HS6ST3: variants seen among roughly 807,000 people sequenced by gnomAD.
HS6ST3 encodes heparan-sulfate 6-O-sulfotransferase 3.
HS6ST3 carries 12 observed loss-of-function variants against 36.7 expected under a neutral mutation model. That is an observed-to-expected ratio of 0.33 (90% CI 0.21 to 0.53). The LOEUF (loss-of-function observed/expected upper bound fraction) is 0.53. Ranked by LOEUF, HS6ST3 falls within the 20% of genes least tolerant of loss-of-function variation. The pLI, the probability that HS6ST3 is intolerant of heterozygous loss-of-function variation, is 0.95. For missense variants in HS6ST3, 584 were observed against 640.9 expected, an observed-to-expected ratio of 0.91 and a Z score of 0.96; for synonymous variants, 240 against 257.5, an observed-to-expected ratio of 0.93 and a Z score of 0.65.
intron 1 of HS6ST3, among the ~76,000 whole-genome samples, chr13:96,623,640 A>G (rs1176718223): frequency 6.6e-6 from 1 of 152,070 alleles, no homozygotes; most frequent in Non-Finnish European, 1.5e-5. Context: ...GTCACGTTTC[A>G]TTAACTGTTT....
intron 1 of HS6ST3, among the ~76,000 whole-genome samples, chr13:96,317,653 G>T (rs1016101611): frequency 6.6e-5 from 10 of 150,700 alleles, no homozygotes; most frequent in African/African-American, 2.2e-4. Context: ...TTCTACGGTG[G>T]CCGAACTAAT....
chr13:96,100,913 A>G (rs149910076), intron 1 of HS6ST3, among the ~76,000 whole-genome samples: 2,479 of 152,260 alleles, frequency 0.016, 59 homozygotes, highest in African/African-American at 0.057. Context: ...TGAGACCAAG[A>G]TCGGATACCC....
rs183683749 is a variant in HS6ST3 at position 96,785,005 on chromosome 13, G to A, written c.708-47485G>A. ...CAACAGGGTGAAAACCTGTCTCTACGAAAAATACAAAAAATTAGATGAGCA... is the reference window on the plus strand; with the variant it reads ...CAACAGGGTGAAAACCTGTCTCTACAAAAAATACAAAAAATTAGATGAGCA... On this transcript the variant is annotated intron_variant, in intron 1 of 1. Transcript: ENST00000376705. Among the ~76,000 whole-genome samples, 52 of 151,982 alleles carry A rather than the reference G, an allele frequency of 3.4e-4. No homozygotes were observed. In the East Asian group the frequency reaches 8.7e-3, roughly 25 times the overall value.
intron 1 of HS6ST3, among the ~76,000 whole-genome samples, chr13:96,156,802 C>G (rs1050885599): frequency 1.3e-5 from 2 of 152,152 alleles, no homozygotes; most frequent in Non-Finnish European, 2.9e-5. Context: ...ATAGCTCATT[C>G]AGTAATTACA....
intron 1 of HS6ST3, among the ~76,000 whole-genome samples, chr13:96,437,837 T>A (rs1443718417): frequency 1.3e-5 from 2 of 152,246 alleles, no homozygotes; most frequent in Non-Finnish European, 2.9e-5. Flanking sequence ...GAATTTCGTT[T>A]TCTCAGTAAC....
At chr13:96,785,383 A>G (rs1877622943) in intron 1 of HS6ST3, among the ~76,000 whole-genome samples, 1 of 151,982 alleles carries the variant, frequency 6.6e-6, no homozygotes, top group African/African-American at 2.4e-5. Flanking sequence ...CAAATGAAGA[A>G]ATAACTCAGA....
At chr13:96,350,653 T>C (rs1192035710) in intron 1 of HS6ST3, among the ~76,000 whole-genome samples, 1 of 152,218 alleles carries the variant, frequency 6.6e-6, no homozygotes, top group Non-Finnish European at 1.5e-5. Flanking sequence ...CTGTAGGAAA[T>C]AATGATCCTT....
intron 1 of HS6ST3, among the ~76,000 whole-genome samples, chr13:96,321,136 G>A (rs2055001053): frequency 6.6e-6 from 1 of 150,840 alleles, no homozygotes; most frequent in South Asian, 2.1e-4. Flanking sequence ...TTTAAAAGAA[G>A]TAAGTTAAGG....
At chr13:96,806,859 G>C (rs1878207096) in intron 1 of HS6ST3, among the ~76,000 whole-genome samples, 1 of 152,060 alleles carries the variant, frequency 6.6e-6, no homozygotes, top group Admixed American at 6.5e-5. Flanking sequence ...CTTTTTATAA[G>C]CTGATATATG....
chr13:96,577,533 C>T (rs550717871), intron 1 of HS6ST3, among the ~76,000 whole-genome samples: 1 of 152,238 alleles, frequency 6.6e-6, no homozygotes, highest in South Asian at 2.1e-4. Flanking sequence ...TATATATACC[C>T]AGTAATGGGA....
At chr13:96,204,866 A>G (rs933878532) in intron 1 of HS6ST3, among the ~76,000 whole-genome samples, 33 of 152,324 alleles carry the variant, frequency 2.2e-4, no homozygotes, top group South Asian at 8.3e-4. Flanking sequence ...AATTTATAGC[A>G]TTGAATGCCC....
intron 1 of HS6ST3, among the ~76,000 whole-genome samples, chr13:96,408,079 A>G (rs893170556): frequency 3.3e-5 from 5 of 152,124 alleles, no homozygotes; most frequent in East Asian, 1.9e-4. Context: ...AGCTGGGACT[A>G]TATGTGTGCA....
At chr13:96,096,428 C>A (rs983002022) in intron 1 of HS6ST3, among the ~76,000 whole-genome samples, 1 of 152,186 alleles carries the variant, frequency 6.6e-6, no homozygotes, top group Non-Finnish European at 1.5e-5. Context: ...AAAGGGTTAG[C>A]CTGGATGGCC....
At chr13:96,158,987 G>T (rs1050699257) in intron 1 of HS6ST3, among the ~76,000 whole-genome samples, 3 of 152,274 alleles carry the variant, frequency 2.0e-5, no homozygotes, top group Admixed American at 2.0e-4. Flanking sequence ...GCAGGGAAGA[G>T]AAGAGAAGGA....
intron 1 of HS6ST3, among the ~76,000 whole-genome samples, chr13:96,710,143 T>G (rs1360615628): frequency 3.3e-5 from 5 of 152,240 alleles, no homozygotes; most frequent in African/African-American, 1.2e-4. Context: ...TTACTATTAT[T>G]CTAATTTCCC....
intron 1 of HS6ST3, among the ~76,000 whole-genome samples, chr13:96,622,957 T>A (rs1366822415): frequency 6.6e-6 from 1 of 152,220 alleles, no homozygotes; most frequent in East Asian, 1.9e-4. Context: ...TCATGCTTTT[T>A]ACACAATTTC....
At chr13:96,694,126 G>A (rs1594838036) in intron 1 of HS6ST3, among the ~76,000 whole-genome samples, 1 of 152,060 alleles carries the variant, frequency 6.6e-6, no homozygotes, top group Admixed American at 6.6e-5. Context: ...CAAGTATTAA[G>A]CCTAGTACGT....
chr13:96,108,231 T>A (rs2053851175), intron 1 of HS6ST3, among the ~76,000 whole-genome samples: 1 of 152,210 alleles, frequency 6.6e-6, no homozygotes, highest in South Asian at 2.1e-4. Flanking sequence ...CTTATGCAGT[T>A]GTAGATAGGG....
chr13:96,372,199 C>A (rs1462556941), intron 1 of HS6ST3, among the ~76,000 whole-genome samples: 1 of 152,016 alleles, frequency 6.6e-6, no homozygotes, highest in Non-Finnish European at 1.5e-5. Flanking sequence ...AAGTGATATC[C>A]CATTATGATC....
Sources: gnomAD v4.1 joint callset for allele counts (sites outside exome capture counted in the v4.1 genomes callset) on GRCh38, gnomAD v4.1.1 for gene constraint, MANE v1.5 for transcripts, NCBI Gene and HGNC (gene_info 2026-07-23, HGNC 2026-07-21) for gene names.